Variants in PHYH observed in about 807,000 individuals in gnomAD.
PHYH encodes the protein phytanoyl-CoA dioxygenase, peroxisomal.
PHYH carries 32 observed loss-of-function variants against 38.5 expected under a neutral mutation model. The observed-to-expected ratio is 0.83, with a 90% CI of 0.63 to 1.12. PHYH has a LOEUF of 1.12. Among genes scored for constraint, PHYH ranks in the 50% most tolerant of loss-of-function variants. The pLI is 0.00. For synonymous variants in PHYH, 166 were observed against 157.9 expected, an observed-to-expected ratio of 1.05 and a Z score of -0.38; for missense variants, 426 against 434.8, an observed-to-expected ratio of 0.98 and a Z score of 0.18.
At chr10:13,294,057 C>G (rs1231140201) in intron 4 of PHYH, among the ~76,000 whole-genome samples, 2 of 151,936 alleles carry the variant, frequency 1.3e-5, no homozygotes, top group Non-Finnish European at 2.9e-5. Context: ...CAAAAATTAG[C>G]CAGGTGTGGT....
At chr10:13,291,431 T>G (rs1835707831) in intron 5 of PHYH, 1 of 209,746 alleles carries the variant, frequency 4.8e-6, no homozygotes, top group Non-Finnish European at 9.7e-6. Flanking sequence ...GTTTGACAGT[T>G]GTACACATGA....
intron 7 of PHYH, among the ~76,000 whole-genome samples, chr10:13,281,905 C>T (rs1835422257): frequency 6.6e-6 from 1 of 152,280 alleles, no homozygotes; most frequent in South Asian, 2.1e-4. Context: ...ACACGCACCC[C>T]TATATCTGTA....
At chr10:13,295,238 A>C (rs371513159) in intron 3 of PHYH, 9 of 455,746 alleles carry the variant, frequency 2.0e-5, no homozygotes, top group African/African-American at 1.8e-4. Context: ...CTGAGGCAAG[A>C]GGATTGCTTG....
intron 1 of PHYH, among the ~76,000 whole-genome samples, chr10:13,298,498 C>G (rs1279336552): frequency 6.6e-6 from 1 of 151,926 alleles, no homozygotes; most frequent in Admixed American, 6.6e-5. Context: ...GTCGGGATTT[C>G]GAGACCAGCC....
In PHYH at chr10:13,294,618, T is replaced by C. The variant is rs770064789; in HGVS notation, c.246-22A>G. 8 of 1,611,786 alleles carry C rather than the reference T, an allele frequency of 5.0e-6. No homozygotes were observed. In the African/African-American group the frequency reaches 8.0e-5, roughly 16 times the overall value. ...ATTCCTAGAAAATTTAATTTGCAAATGATGTCGTTACCGCTGGCTCCAAGC... is the reference window on the plus strand; with the variant it reads ...ATTCCTAGAAAATTTAATTTGCAAACGATGTCGTTACCGCTGGCTCCAAGC... On this transcript the variant is annotated intron_variant, in intron 3 of 8. Transcript: ENST00000263038.
At chr10:13,297,038 T>C (rs190683845) in intron 2 of PHYH, among the ~76,000 whole-genome samples, 231 of 151,930 alleles carry the variant, frequency 1.5e-3, no homozygotes, top group African/African-American at 4.9e-3. Flanking sequence ...ATTACAATTA[T>C]GTAAAACCAA....
chr10:13,293,969 C>T (rs1027677865), intron 4 of PHYH, among the ~76,000 whole-genome samples: 16 of 151,910 alleles, frequency 1.1e-4, no homozygotes, highest in Admixed American at 5.9e-4. Context: ...TTTGGGAGGC[C>T]GAGGTGGGTG....
intron 2 of PHYH, 72 bp from the exon 3 acceptor site, chr10:13,295,678 C>G: frequency 1.3e-6 from 1 of 760,926 alleles, no homozygotes; most frequent in South Asian, 1.4e-5. Flanking sequence ...GCTCACACCT[C>G]TAATACTAGC....
rs1835337297 is a variant in PHYH, at chr10:13,278,329, A to C, written c.989T>G (p.Leu330Arg). ...AAGATTGGTTCTTTCTCCTTTCACA[A>C]GTCGAGCTCGAAACATCCAAATATC... ...LKDIWMFRAR[L>R]VKGERTNL The change falls in exon 9 of 9, where the codon CTT becomes CGT. Residue 330 changes from leucine (L) to arginine (R), a missense_variant. Transcript: ENST00000263038. 9 of 1,613,100 alleles carry C rather than the reference A, an allele frequency of 5.6e-6. No homozygotes were observed. The highest frequency in any genetic ancestry group is 7.6e-6 in the Non-Finnish European group (9 of 1,179,060).
chr10:13,299,713 G>A, intron 1 of PHYH: 5 of 1,295,028 alleles, frequency 3.9e-6, no homozygotes, highest in East Asian at 6.7e-5. Flanking sequence ...GGCCCCCAGG[G>A]ATCCCGGAGG....
intron 5 of PHYH, among the ~76,000 whole-genome samples, chr10:13,291,027 C>T (rs1357141513): frequency 6.9e-6 from 1 of 143,978 alleles, no homozygotes. Context: ...TTGTTTGAAC[C>T]TGGGAGGTGG....
chr10:13,299,826 A>G, intron 1 of PHYH, 142 bp downstream of exon 1: 3 of 1,322,300 alleles, frequency 2.3e-6, no homozygotes, highest in Non-Finnish European at 2.9e-6. Flanking sequence ...GACGCGACCC[A>G]GGCGGGGACG....
intron 4 of PHYH, among the ~76,000 whole-genome samples, 174 bp from the exon 5 acceptor site, chr10:13,292,086 A>T (rs1362816048): frequency 6.6e-6 from 1 of 152,238 alleles, no homozygotes; most frequent in Non-Finnish European, 1.5e-5. Flanking sequence ...ATTGGAAATC[A>T]TTCTAAATCT....
At chr10:13,281,852 TG>T (rs1835420837) in intron 7 of PHYH, among the ~76,000 whole-genome samples, 1 of 152,238 alleles carries the variant, frequency 6.6e-6, no homozygotes, top group Non-Finnish European at 1.5e-5. Context: ...CTGTAAGCCC[TG>T]GTGCCATACG....
chr10:13,283,838 C>T lies in PHYH; in HGVS notation c.680G>A (p.Gly227Glu), dbSNP rs995220629. The part of the protein sequence containing the change: ...LKPHDYPKWE[G>E]GVNKMFHGIQ... ...CCCGTGGAACATTTTGTTAACTCCC[C>T]CCTAGAACAAGAGGCAAGTGAAGTC... The change falls in exon 7 of 9, where the codon GGG becomes GAG. Residue 227 changes from glycine to glutamate, a missense_variant and splice_region_variant. Transcript: ENST00000263038. 2 of 1,613,610 alleles carry T rather than the reference C, an allele frequency of 1.2e-6. No homozygotes were observed. The highest frequency in any genetic ancestry group is 2.2e-5 in the East Asian group (1 of 44,870).
At chr10:13,288,905 T>C (rs940230344) in intron 5 of PHYH, among the ~76,000 whole-genome samples, 2 of 108,754 alleles carry the variant, frequency 1.8e-5, no homozygotes, top group African/African-American at 3.6e-5. Context: ...AGCGAGTCCC[T>C]GTCCCCCACC....
chr10:13,299,882 G>C, intron 1 of PHYH, 86 bp downstream of exon 1: 2 of 1,431,000 alleles, frequency 1.4e-6, no homozygotes, highest in Non-Finnish European at 1.8e-6. Flanking sequence ...GTGCGACCCC[G>C]AGGCCTCCAC....
chr10:13,287,119 T>C (rs1025517868), intron 6 of PHYH, among the ~76,000 whole-genome samples: 3 of 152,116 alleles, frequency 2.0e-5, no homozygotes, highest in Non-Finnish European at 4.4e-5. Context: ...GGTGGGCGGA[T>C]CACGAGTTAA....
chr10:13,285,828 T>C (rs1199487257), intron 6 of PHYH, among the ~76,000 whole-genome samples: 1 of 152,018 alleles, frequency 6.6e-6, no homozygotes, highest in Non-Finnish European at 1.5e-5. Flanking sequence ...GGTCTCGAAC[T>C]CCTGACCTCA....
Sources: allele counts gnomAD v4.1 joint callset (sites outside exome capture counted in the v4.1 genomes callset), GRCh38; gene constraint gnomAD v4.1.1; transcripts MANE v1.5; gene names NCBI Gene and HGNC (gene_info 2026-07-23, HGNC 2026-07-21).